PCDHGA7: variants seen among roughly 807,000 people sequenced by gnomAD.
PCDHGA7 encodes protocadherin gamma-A7.
A neutral mutation model predicts 58.3 loss-of-function variants in PCDHGA7; 44 were observed. The observed-to-expected ratio is 0.75, with a 90% CI of 0.59 to 0.97. The LOEUF (loss-of-function observed/expected upper bound fraction) is 0.97. PCDHGA7 is among the 50% of genes least tolerant of loss of function. PCDHGA7 has a pLI of 0.00. For synonymous variants in PCDHGA7, 516 were observed against 504.2 expected, an observed-to-expected ratio of 1.02 and a Z score of -0.31; for missense variants, 1,266 against 1,188.7, an observed-to-expected ratio of 1.06 and a Z score of -0.96.
Position 141,431,199 on chromosome 5 carries a change from C to T in PCDHGA7, c.2424+45876C>T. 1 of 1,614,194 alleles carries T rather than the reference C, an allele frequency of 6.2e-7. No homozygotes were observed. Among genetic ancestry groups the T allele is most frequent in the East Asian group, 2.2e-5 (1 of 44,890 alleles). ...GAAATAAAAATTAGTGAAAATGCAG[C>T]CACTGAGATGCGGTTCCCTCTACCC... On this transcript the variant is annotated intron_variant, in intron 1 of 3. Transcript: ENST00000518325. This position sits in a 1 kb window ranked among gnomAD's most constrained non-coding sequence, Gnocchi z 4.8.
intron 1 of PCDHGA7, chr5:141,415,448 C>T (rs2095870056): frequency 6.2e-7 from 1 of 1,614,052 alleles, no homozygotes; most frequent in African/African-American, 1.3e-5. Flanking sequence ...CAGACCTATT[C>T]CCACGAGGTC....
Position 141,505,488 on chromosome 5 carries a change from G to A in PCDHGA7, c.2572+7G>A. On this transcript the variant is annotated splice_region_variant and intron_variant, in intron 3 of 3. Transcript: ENST00000518325. Reference sequence around the variant, plus strand: ...ATCTTGGCGTCCGCCAGTGGTAAGTGGTGTCAGTGTGTGTATGGAAGAGTG... The same window carrying A: ...ATCTTGGCGTCCGCCAGTGGTAAGTAGTGTCAGTGTGTGTATGGAAGAGTG... The A allele has an allele frequency of 6.2e-7, 1 of 1,614,222 alleles. No individual in the cohort carries two copies. The highest frequency in any genetic ancestry group is 8.5e-7 in the Non-Finnish European group (1 of 1,180,018).
Position 141,384,835 on chromosome 5 carries a change from G to A in PCDHGA7, c.1936G>A (p.Val646Ile), listed in dbSNP as rs1390926308. 1.2e-6 allele frequency: 2 copies of A among 1,613,468 alleles called. No individual in the cohort carries two copies. Among genetic ancestry groups the A allele is most frequent in the East Asian group, 2.2e-5 (1 of 44,880 alleles). The change falls in exon 1 of 4, where the codon GTC becomes ATC. Residue 646 changes from valine (V) to isoleucine (I), a missense_variant. Coordinates refer to ENST00000518325, the MANE Select transcript of PCDHGA7 (RefSeq NM_018920.4). ...CCTCAAGCAGAGCCTCGTGGTGGCC[G>A]TCCAGGACCACGGTCAGCCTCCTCT... ...DALKQSLVVA[V>I]QDHGQPPLSA...
Position 141,386,987 on chromosome 5 carries a change from A to G in PCDHGA7, c.2424+1664A>G, listed in dbSNP as rs147872708. 4.1e-3 allele frequency among the ~76,000 whole-genome samples: 628 copies of G among 152,308 alleles called. 4 individuals carry two copies. The highest frequency in any genetic ancestry group is 3.9e-3 in the Non-Finnish European group (262 of 68,032). ...CTCAGTGACTTTGTGTTTTGAGGCTATGTATTATCCCCCTGATAACTTTGA... is the reference window on the plus strand; with the variant it reads ...CTCAGTGACTTTGTGTTTTGAGGCTGTGTATTATCCCCCTGATAACTTTGA... On this transcript the variant is annotated intron_variant, in intron 1 of 3. Transcript: ENST00000518325.
rs996601457 is a variant in PCDHGA7, at chr5:141,384,969, G to A, written c.2070G>A (p.Thr690=). 3.1e-6 allele frequency: 5 copies of A among 1,614,014 alleles called. No individual in the cohort carries two copies. Among genetic ancestry groups the A allele is most frequent in the African/African-American group, 2.7e-5 (2 of 74,950 alleles). ...PSDGPYNYDL[T]LYLVVAVATV... Reference sequence around the variant, plus strand: ...ACGGTCCTTACAACTATGACCTCACGTTGTACCTGGTGGTGGCGGTGGCCA... The same window carrying A: ...ACGGTCCTTACAACTATGACCTCACATTGTACCTGGTGGTGGCGGTGGCCA... Residue 690 remains threonine (T), a synonymous_variant, in exon 1 of 4, where the codon ACG becomes ACA. Coordinates refer to ENST00000518325, the MANE Select transcript of PCDHGA7 (RefSeq NM_018920.4).
At chr5:141,469,044 A>C (rs1247890388) in intron 1 of PCDHGA7, among the ~76,000 whole-genome samples, 1 of 152,128 alleles carries the variant, frequency 6.6e-6, no homozygotes, top group East Asian at 1.9e-4. Context: ...TGGGAGGCCA[A>C]GGTGGGAGGA....
At position 141,418,010 on chromosome 5, in the gene PCDHGA7, G is replaced by T. The variant is rs185303697; in HGVS notation, c.2424+32687G>T. Reference sequence around the variant, plus strand: ...CAAGGGCTCGGTGGTGGGGAACCTCGCTAAGGATCTAGGGCTTAGTGTCCT... The same window carrying T: ...CAAGGGCTCGGTGGTGGGGAACCTCTCTAAGGATCTAGGGCTTAGTGTCCT... On this transcript the variant is annotated intron_variant, in intron 1 of 3. Coordinates refer to ENST00000518325, the MANE Select transcript of PCDHGA7 (RefSeq NM_018920.4). 2.9e-5 allele frequency: 46 copies of T among 1,613,912 alleles called. No individual in the cohort carries two copies. The Middle Eastern group carries it at 5.0e-4, about 17-fold the overall frequency.
At chr5:141,415,015 A>C (rs2095814085) in intron 1 of PCDHGA7, 1 of 1,613,598 alleles carries the variant, frequency 6.2e-7, no homozygotes, top group East Asian at 2.2e-5. Flanking sequence ...CCGTCTGCTC[A>C]AGGCCAGCGA....
intron 1 of PCDHGA7, chr5:141,392,740 G>A: frequency 1.4e-6 from 2 of 1,435,578 alleles, no homozygotes. Context: ...CATCTCCATA[G>A]CTGCGGCAAG....
In PCDHGA7 at chr5:141,486,047, C is replaced by T. The variant is rs763394605; in HGVS notation, c.2425-8760C>T. Reference sequence around the variant, plus strand: ...TCATACCCCTGATCGTGTAAGAAACCTCTTTAGCCTGCACCCCACTACTGG... The same window carrying T: ...TCATACCCCTGATCGTGTAAGAAACTTCTTTAGCCTGCACCCCACTACTGG... On this transcript the variant is annotated intron_variant, in intron 1 of 3. Transcript: ENST00000518325. The surrounding 1 kb of genome is among the most constrained non-coding windows in gnomAD (Gnocchi z 5.0). 2.5e-6 allele frequency: 4 copies of T among 1,614,054 alleles called. No individual in the cohort carries two copies. The African/African-American group carries it at 5.3e-5, about 22-fold the overall frequency.
chr5:141,491,327 T>C lies in PCDHGA7; in HGVS notation c.2425-3480T>C, dbSNP rs1422115943. ...TCAGACCTTACCCTTTACCTCATTG[T>C]GGCTCTAGCGACCGTCAGTCTCTTA... is the stretch of plus-strand genomic sequence containing the variant. On this transcript the variant is annotated intron_variant, in intron 1 of 3. Coordinates refer to ENST00000518325, the MANE Select transcript of PCDHGA7 (RefSeq NM_018920.4). This position sits in a 1 kb window ranked among gnomAD's most constrained non-coding sequence, Gnocchi z 6.9. 5.6e-6 allele frequency: 9 copies of C among 1,614,098 alleles called. No homozygotes were observed. Among genetic ancestry groups the C allele is most frequent in the Admixed American group, 3.3e-5 (2 of 60,006 alleles).
chr5:141,493,440 G>A lies in PCDHGA7; in HGVS notation c.2425-1367G>A, dbSNP rs2099748297. The stretch of plus-strand genomic sequence containing the variant: ...TTTTGCTTCTGCTGGGATGGGGCAA[G>A]GGTGGGGTTCCTTCCCTTTTAGGAC... On this transcript the variant is annotated intron_variant, in intron 1 of 3. Coordinates refer to ENST00000518325, the MANE Select transcript of PCDHGA7 (RefSeq NM_018920.4). The surrounding 1 kb of genome is among the most constrained non-coding windows in gnomAD (Gnocchi z 4.3). Among the ~76,000 whole-genome samples, 1 of 152,208 alleles carries A rather than the reference G, an allele frequency of 6.6e-6. No homozygotes were observed. Among genetic ancestry groups the A allele is most frequent in the African/African-American group, 2.4e-5 (1 of 41,450 alleles).
chr5:141,434,253 G>C (rs979768901), intron 1 of PCDHGA7, among the ~76,000 whole-genome samples: 9 of 152,198 alleles, frequency 5.9e-5, no homozygotes, highest in Non-Finnish European at 1.3e-4. Flanking sequence ...CTTGGGCATT[G>C]TGGGGGAGGT....
At chr5:141,400,376 T>A in intron 1 of PCDHGA7, 1 of 1,614,070 alleles carries the variant, frequency 6.2e-7, no homozygotes, top group East Asian at 2.2e-5. Context: ...TCCTACAACC[T>A]ATGTGTTGCA....
At chr5:141,394,384 A>G (rs1379369009) in intron 1 of PCDHGA7, 2 of 1,614,114 alleles carry the variant, frequency 1.2e-6, no homozygotes, top group African/African-American at 2.7e-5. Flanking sequence ...GACTATGAGC[A>G]GATCCGAGAC....
chr5:141,442,135 G>C lies in PCDHGA7; in HGVS notation c.2425-52672G>C, dbSNP rs868124128. 8 of 164,066 alleles carry C rather than the reference G, an allele frequency of 4.9e-5. 1 individual carries two copies. The highest frequency in any genetic ancestry group is 2.8e-4 in the South Asian group (2 of 7,026). 10.2% of individuals were successfully genotyped at this position (164,066 alleles called of 1,614,324 possible). On this transcript the variant is annotated intron_variant, in intron 1 of 3. Transcript: ENST00000518325. ...CCCTCGTCGCCGACAGCCTGCAGGA[G>C]ACTCTGCCAGACCTCAGCGATCACT...
chr5:141,478,623 G>A, intron 1 of PCDHGA7: 2 of 1,554,358 alleles, frequency 1.3e-6, no homozygotes, highest in Non-Finnish European at 1.7e-6. Flanking sequence ...GAATGGAGCT[G>A]TTTTTTTAGT....
At position 141,405,128 on chromosome 5, in the gene PCDHGA7, C is replaced by T. The variant is rs373084923; in HGVS notation, c.2424+19805C>T. On this transcript the variant is annotated intron_variant, in intron 1 of 3. Transcript: ENST00000518325. ...GCACTGGCACTCCTCGCATCTGCTG[C>T]GGGCTACCAGTGATGGGTTGGCTGG... is the stretch of plus-strand genomic sequence containing the variant. The T allele has an allele frequency of 4.8e-5, 78 of 1,614,002 alleles. No individual in the cohort carries two copies. The highest frequency in any genetic ancestry group is 2.8e-4 in the African/African-American group (21 of 75,052).
intron 1 of PCDHGA7, chr5:141,395,540 GTT>G (rs1195680754): frequency 2.1e-5 from 4 of 186,176 alleles, no homozygotes; most frequent in South Asian, 7.0e-5. Flanking sequence ...TTTTGCTATT[GTT>G]TGTGTGTGTG....
Sources: gnomAD v4.1 joint callset for allele counts (sites outside exome capture counted in the v4.1 genomes callset) on GRCh38, gnomAD v4.1.1 for gene constraint, Gnocchi (gnomAD v3.1) non-coding constraint, MANE v1.5 for transcripts, NCBI Gene and HGNC (gene_info 2026-07-23, HGNC 2026-07-21) for gene names.